ALCAM: variants seen among roughly 807,000 people sequenced by gnomAD.
ALCAM encodes CD166 antigen.
In ALCAM, 30 loss-of-function variants were observed where a neutral mutation model predicts 70.9. The ratio of observed to expected loss-of-function variants is 0.42; its 90% confidence interval spans 0.32 to 0.57. ALCAM has a LOEUF of 0.57. Ranked by LOEUF, ALCAM falls within the 20% of genes least tolerant of loss-of-function variation. The pLI is 0.11. For synonymous variants in ALCAM, 249 were observed against 242.5 expected, an observed-to-expected ratio of 1.03 and a Z score of -0.25; for missense variants, 591 against 695.1, an observed-to-expected ratio of 0.85 and a Z score of 1.68.
intron 2 of ALCAM, among the ~76,000 whole-genome samples, chr3:105,520,708 A>G (rs867020223): frequency 1.9e-4 from 29 of 152,298 alleles, no homozygotes; most frequent in South Asian, 4.1e-4. Context: ...AGTAAAATCA[A>G]ATCTTCTCAG....
intron 1 of ALCAM, among the ~76,000 whole-genome samples, chr3:105,495,673 C>T (rs751288231): frequency 2.0e-5 from 3 of 152,120 alleles, no homozygotes; most frequent in Admixed American, 6.5e-5. Context: ...TTACACAGCA[C>T]GCACTCAGAA....
intron 1 of ALCAM, among the ~76,000 whole-genome samples, chr3:105,370,301 A>G (rs1050754533): frequency 6.2e-4 from 95 of 152,234 alleles, no homozygotes; most frequent in African/African-American, 2.2e-3. Context: ...GCCAATATAT[A>G]TATATTTTTT....
At chr3:105,541,916 C>T (rs1940126915) in intron 8 of ALCAM, 151 bp downstream of exon 8, 2 of 1,050,752 alleles carry the variant, frequency 1.9e-6, no homozygotes, top group Non-Finnish European at 1.4e-6. Context: ...GGGATAAGCT[C>T]AACTTTGTCC....
intron 1 of ALCAM, among the ~76,000 whole-genome samples, chr3:105,380,051 A>G (rs1469016747): frequency 4.0e-5 from 6 of 151,854 alleles, no homozygotes; most frequent in African/African-American, 1.4e-4. Flanking sequence ...TGTGGTAGCT[A>G]TTAAGTTAAA....
intron 1 of ALCAM, among the ~76,000 whole-genome samples, chr3:105,483,865 A>T (rs1256776993): frequency 6.6e-6 from 1 of 152,132 alleles, no homozygotes; most frequent in Admixed American, 6.6e-5. Flanking sequence ...TATCAGATTT[A>T]TAGTTTGCTA....
chr3:105,404,201 T>C (rs1936161055), intron 1 of ALCAM, among the ~76,000 whole-genome samples: 1 of 152,132 alleles, frequency 6.6e-6, no homozygotes, highest in Non-Finnish European at 1.5e-5. Context: ...CTGGAATTGC[T>C]AGAGATCTAG....
In ALCAM at chr3:105,367,488, A is replaced by T; in HGVS notation, c.73+7A>T. On this transcript the variant is annotated splice_region_variant and intron_variant, in intron 1 of 15. Transcript: ENST00000306107. ...GCCACCGTCTTCAGGCCAGGTGAGC[A>T]AGGGCCTGGGAGCAGCCCCAGACAG... The T allele has an allele frequency of 6.2e-7, 1 of 1,614,012 alleles. No individual in the cohort carries two copies. Among genetic ancestry groups the T allele is most frequent in the Non-Finnish European group, 8.5e-7 (1 of 1,179,912 alleles).
chr3:105,560,530 T>A (rs942861073), intron 14 of ALCAM, among the ~76,000 whole-genome samples: 2 of 152,194 alleles, frequency 1.3e-5, no homozygotes, highest in Non-Finnish European at 2.9e-5. Flanking sequence ...GCAGAAATTA[T>A]TCCTTTTGAT....
At chr3:105,481,131 A>G (rs1938258524) in intron 1 of ALCAM, among the ~76,000 whole-genome samples, 1 of 152,050 alleles carries the variant, frequency 6.6e-6, no homozygotes, top group African/African-American at 2.4e-5. Context: ...CTTAGGGTGA[A>G]AAGTGAAATG....
intron 1 of ALCAM, among the ~76,000 whole-genome samples, chr3:105,376,121 C>T (rs1225356736): frequency 6.6e-6 from 1 of 150,626 alleles, no homozygotes; most frequent in African/African-American, 2.4e-5. Flanking sequence ...AAGACAGAGA[C>T]AGAGAGAGAG....
intron 2 of ALCAM, among the ~76,000 whole-genome samples, chr3:105,523,029 A>C (rs547913967): frequency 1.3e-5 from 2 of 150,932 alleles, no homozygotes; most frequent in South Asian, 4.2e-4. Flanking sequence ...AGTCCCAGCT[A>C]CTCTGGAGCC....
intron 1 of ALCAM, chr3:105,513,312 A>G (rs532419389): frequency 4.0e-5 from 6 of 151,850 alleles, no homozygotes; most frequent in Admixed American, 6.6e-5. Context: ...GAATGTGAGG[A>G]TCATTGCCAA....
intron 3 of ALCAM, chr3:105,524,866 A>T: frequency 9.9e-7 from 1 of 1,005,254 alleles, no homozygotes; most frequent in Non-Finnish European, 1.2e-6. Flanking sequence ...ATATATATGT[A>T]ATCATGTATA....
intron 1 of ALCAM, among the ~76,000 whole-genome samples, chr3:105,413,496 C>T (rs376737377): frequency 6.6e-6 from 1 of 152,056 alleles, no homozygotes; most frequent in Non-Finnish European, 1.5e-5. Flanking sequence ...CTAGAATATG[C>T]GCAGACTCTA....
intron 1 of ALCAM, among the ~76,000 whole-genome samples, chr3:105,391,484 G>C (rs763514118): frequency 9.4e-5 from 14 of 148,368 alleles, no homozygotes; most frequent in Non-Finnish European, 2.0e-4. Context: ...TATCAGCTTT[G>C]GGGCTAAGAT....
intron 1 of ALCAM, among the ~76,000 whole-genome samples, chr3:105,439,812 G>A (rs1937131822): frequency 6.6e-6 from 1 of 152,126 alleles, no homozygotes; most frequent in Non-Finnish European, 1.5e-5. Flanking sequence ...CTGAAGGTCA[G>A]GGCAAAAAGT....
intron 1 of ALCAM, among the ~76,000 whole-genome samples, chr3:105,429,974 A>T (rs1283661269): frequency 1.3e-5 from 2 of 152,032 alleles, no homozygotes; most frequent in Non-Finnish European, 2.9e-5. Flanking sequence ...CAAATTAATA[A>T]TACATAAACA....
intron 1 of ALCAM, among the ~76,000 whole-genome samples, chr3:105,471,237 C>T (rs1559802746): frequency 6.6e-6 from 1 of 151,224 alleles, no homozygotes; most frequent in African/African-American, 2.4e-5. Flanking sequence ...TGTTCAGTAA[C>T]TAAATAGTTC....
intron 1 of ALCAM, among the ~76,000 whole-genome samples, chr3:105,427,305 G>A (rs1229623448): frequency 6.6e-6 from 1 of 151,896 alleles, no homozygotes; most frequent in Non-Finnish European, 1.5e-5. Context: ...AGCTGCAGTT[G>A]CCCCTACCTC....
Sources: allele counts gnomAD v4.1 joint callset (sites outside exome capture counted in the v4.1 genomes callset), GRCh38; gene constraint gnomAD v4.1.1; transcripts MANE v1.5; gene names NCBI Gene and HGNC (gene_info 2026-07-23, HGNC 2026-07-21).